The following NCSTN variants were observed in gnomAD, a reference collection of about 807,000 sequenced individuals.
NCSTN encodes the protein anterior pharynx-defective 2.
NCSTN carries 22 observed loss-of-function variants against 87.0 expected under a neutral mutation model. The ratio of observed to expected loss-of-function variants is 0.25; its 90% CI spans 0.18 to 0.36. NCSTN has a LOEUF of 0.36. Ranked by LOEUF, NCSTN falls within the 10% of genes least tolerant of loss-of-function variation. The pLI is 1.00. For missense variants in NCSTN, 693 were observed against 883.3 expected, an observed-to-expected ratio of 0.78 and a Z score of 2.73; for synonymous variants, 306 against 327.1, an observed-to-expected ratio of 0.94 and a Z score of 0.69.
intron 2 of NCSTN, 32 bp from the exon 3 acceptor site, chr1:160,348,967 G>T: frequency 1.9e-6 from 3 of 1,614,034 alleles, no homozygotes; most frequent in Non-Finnish European, 1.7e-6. Flanking sequence ...TTAACTATGG[G>T]AGCTTTAATT....
chr1:160,351,639 T>C, intron 6 of NCSTN, 57 bp from the exon 7 acceptor site: 3 of 1,470,600 alleles, frequency 2.0e-6, no homozygotes, highest in Non-Finnish European at 2.9e-6. Context: ...AATGTTGCCT[T>C]TATAGCTACC....
chr1:160,357,142 T>A lies in NCSTN; in HGVS notation c.1896T>A (p.Ser632=). Residue 632 remains serine, a synonymous_variant, in exon 16 of 17, where the codon TCT becomes TCA. Transcript: ENST00000294785. Reference sequence around the variant, plus strand: ...CTGCACGATTAGCCAGGGCCTTGTCTCCTGCCTTTGAACTGAGTCAGTGGA... The same window carrying A: ...CTGCACGATTAGCCAGGGCCTTGTCACCTGCCTTTGAACTGAGTCAGTGGA... The part of the protein sequence containing the change: ...RSTARLARAL[S]PAFELSQWSS... 6.2e-7 allele frequency: 1 copy of A among 1,614,140 alleles called. No individual in the cohort carries two copies.
chr1:160,358,868 T>C lies in NCSTN; in HGVS notation c.*597T>C, dbSNP rs1310309096. On this transcript the variant is annotated 3_prime_UTR_variant, in exon 17 of 17. Coordinates refer to ENST00000294785, the MANE Select transcript of NCSTN (RefSeq NM_015331.3). ...TTGTACTTTTTATTAAGCTGTAATA[T>C]CTATTTTTGTTTTTGTCTTTTTCCT... 1.3e-5 allele frequency: 2 copies of C among 153,906 alleles called. No homozygotes were observed. Among genetic ancestry groups the C allele is most frequent in the Non-Finnish European group, 2.9e-5 (2 of 69,112 alleles). 9.5% of individuals were successfully genotyped at this position (153,906 alleles called of 1,614,324 possible). A position where few individuals can be genotyped will look rare whatever the true frequency, so the allele number is the denominator to read the frequency against.
At chr1:160,349,271 A>T in intron 3 of NCSTN, 149 bp downstream of exon 3, 1 of 1,181,820 alleles carries the variant, frequency 8.5e-7, no homozygotes, top group Non-Finnish European at 1.2e-6. Flanking sequence ...AAGGTGTACC[A>T]TCAAAAGAAA....
At chr1:160,349,186 C>A in intron 3 of NCSTN, 64 bp downstream of exon 3, 1 of 1,604,338 alleles carries the variant, frequency 6.2e-7, no homozygotes. Context: ...GAACAGTCCT[C>A]ACACTTATTA....
At chr1:160,349,735 C>G (rs1017031428) in intron 4 of NCSTN, 65 bp downstream of exon 4, 2 of 1,591,420 alleles carry the variant, frequency 1.3e-6, no homozygotes, top group Non-Finnish European at 1.7e-6. Context: ...TTCGGTCTTA[C>G]GTCTTTGTGA....
intron 1 of NCSTN, 142 bp downstream of exon 1, chr1:160,343,623 C>T (rs1648246278): frequency 2.3e-6 from 2 of 853,576 alleles, no homozygotes; most frequent in Non-Finnish European, 3.9e-6. Flanking sequence ...TTCGTTCCCA[C>T]GACAGAAGTT....
rs751530569 is a variant in NCSTN at position 160,357,114 on chromosome 1, C to T, written c.1868C>T (p.Ser623Phe). ...ETDRLPRCVR[S>F]TARLARALSP... Reference sequence around the variant, plus strand: ...GACCGACTCCCCCGGTGTGTGCGTTCTACTGCACGATTAGCCAGGGCCTTG... The same window carrying T: ...GACCGACTCCCCCGGTGTGTGCGTTTTACTGCACGATTAGCCAGGGCCTTG... Residue 623 changes from serine (S) to phenylalanine (F), a missense_variant, in exon 16 of 17, where the codon TCT becomes TTT. Around this residue, in one of 4 missense-constraint regions of NCSTN, gnomAD observed 216 missense variants for 311.7 expected, o/e 0.69. Coordinates refer to ENST00000294785, the MANE Select transcript of NCSTN (RefSeq NM_015331.3). 1 of 1,614,140 alleles carries T rather than the reference C, an allele frequency of 6.2e-7. No individual in the cohort carries two copies. Among genetic ancestry groups the T allele is most frequent in the East Asian group, 2.2e-5 (1 of 44,880 alleles).
chr1:160,356,304 A>G lies in NCSTN; in HGVS notation c.1596A>G (p.Ser532=), dbSNP rs1557889119. 2.5e-6 allele frequency: 4 copies of G among 1,613,576 alleles called. No homozygotes were observed. Among genetic ancestry groups the G allele is most frequent in the Non-Finnish European group, 3.4e-6 (4 of 1,179,498 alleles). The change falls in exon 14 of 17, where the codon TCA becomes TCG. Residue 532 remains serine, a synonymous_variant. Coordinates refer to ENST00000294785, the MANE Select transcript of NCSTN (RefSeq NM_015331.3). ...LYGFLIKANN[S]WFQSILRQDL... ...GGTTCCTGATTAAAGCCAACAACTC[A>G]TGGTTCCAGTCTATCCTCAGGCAGG... is the stretch of plus-strand genomic sequence containing the variant.
At chr1:160,356,087 C>T in intron 13 of NCSTN, 129 bp downstream of exon 13, 1 of 1,074,606 alleles carries the variant, frequency 9.3e-7, no homozygotes, top group East Asian at 2.5e-5. Context: ...CCTCATGCCC[C>T]AGAGAGCTCT....
At position 160,356,708 on chromosome 1, in the gene NCSTN, G is replaced by A. The variant is rs200672191; in HGVS notation, c.1748G>A (p.Arg583Gln). 2.5e-6 allele frequency: 4 copies of A among 1,614,228 alleles called. No individual in the cohort carries two copies. Among genetic ancestry groups the A allele is most frequent in the Non-Finnish European group, 2.5e-6 (3 of 1,180,054 alleles). ...ACTGGCACAGTGGTCAACCTCACCC[G>A]AGAGCAGTGCCAGGATCCAAGTAAA... is the stretch of plus-strand genomic sequence containing the variant. ...NLTGTVVNLTREQCQDPSKVP... is the reference protein window; with the variant it reads ...NLTGTVVNLTQEQCQDPSKVP... Residue 583 changes from arginine to glutamine, a missense_variant, in exon 15 of 17, where the codon CGA (arginine) becomes CAA (glutamine). Physicochemically the swap from Arg to Gln is conservative, Grantham distance 43. Transcript: ENST00000294785.
chr1:160,358,392 CAT>C lies in NCSTN; in HGVS notation c.*123_*124del. On this transcript the variant is annotated 3_prime_UTR_variant, in exon 17 of 17. Transcript: ENST00000294785. ...TGGGCCTGTCTCAGATTGGGATTAA[CAT>C]AAAAGAGTGGAACTATCCAAAAGAG... 7.5e-7 allele frequency: 1 copy of C among 1,332,380 alleles called. No homozygotes were observed. The highest frequency in any genetic ancestry group is 1.1e-6 in the Non-Finnish European group (1 of 940,752). 82.5% of individuals were successfully genotyped at this position (1,332,380 alleles called of 1,614,324 possible). A position where few individuals can be genotyped will look rare whatever the true frequency, so the allele number is the denominator to read the frequency against.
intron 7 of NCSTN, 68 bp downstream of exon 7, chr1:160,351,873 C>T (rs1222329615): frequency 5.4e-6 from 8 of 1,470,970 alleles, no homozygotes; most frequent in Non-Finnish European, 7.6e-6. Context: ...CCCGCTCTAG[C>T]ATATCAGATT....
intron 13 of NCSTN, 70 bp downstream of exon 13, chr1:160,356,028 G>C (rs1157378081): frequency 7.0e-7 from 1 of 1,427,460 alleles, no homozygotes; most frequent in African/African-American, 1.4e-5. Flanking sequence ...CCTTGCCCTA[G>C]TGTCCCAAAC....
In NCSTN at chr1:160,352,085, C is replaced by T; in HGVS notation, c.875C>T (p.Ala292Val). 6.2e-7 allele frequency: 1 copy of T among 1,614,170 alleles called. No individual in the cohort carries two copies. The highest frequency in any genetic ancestry group is 1.7e-4 in the Middle Eastern group (1 of 6,060). Residue 292 changes from alanine to valine, a missense_variant, in exon 8 of 17, where the codon GCC becomes GTC. This residue lies in a region of NCSTN where 134 missense variants were observed against 226.0 expected (regional missense o/e 0.59). Transcript: ENST00000294785. The stretch of plus-strand genomic sequence containing the variant: ...AGTCGTTCCTTTTTCTGGAATGTGG[C>T]CCCAGGGGCTGAAAGCGCAGTGGCT... ...LDSRSFFWNV[A>V]PGAESAVASF...
intron 2 of NCSTN, among the ~76,000 whole-genome samples, chr1:160,348,034 G>A (rs1648610804): frequency 6.6e-6 from 1 of 152,208 alleles, no homozygotes; most frequent in African/African-American, 2.4e-5. Flanking sequence ...AGGCTGAGTG[G>A]GCATTTAAAG....
At chr1:160,345,197 A>T in intron 2 of NCSTN, 1 of 321,448 alleles carries the variant, frequency 3.1e-6, no homozygotes, top group South Asian at 2.8e-5. Context: ...AAGCTGAGAG[A>T]CCTTTTTTTT....
At chr1:160,358,111 A>T in intron 16 of NCSTN, 38 bp from the exon 17 acceptor site, 1 of 1,614,096 alleles carries the variant, frequency 6.2e-7, no homozygotes, top group Non-Finnish European at 8.5e-7. Flanking sequence ...GAGTTCTGAG[A>T]ATGCCTTTGT....
intron 10 of NCSTN, chr1:160,353,647 A>G: frequency 1.7e-6 from 2 of 1,172,692 alleles, no homozygotes; most frequent in South Asian, 1.9e-5. Context: ...CCTTCCCTCT[A>G]GGTCCACCTT....
Sources: allele counts gnomAD v4.1 joint callset (sites outside exome capture counted in the v4.1 genomes callset), GRCh38; gene constraint gnomAD v4.1.1; regional missense constraint gnomAD v4.1.1; transcripts MANE v1.5; gene names NCBI Gene and HGNC (gene_info 2026-07-23, HGNC 2026-07-21).